ITGBL1: variants seen among roughly 807,000 people sequenced by gnomAD.
ITGBL1 encodes the protein integrin subunit beta like 1, also known as integrin beta-like protein 1.
In ITGBL1, 51 loss-of-function variants were observed where a neutral mutation model predicts 68.5. That is an observed-to-expected ratio of 0.74 (90% CI 0.59 to 0.94). ITGBL1 has a LOEUF of 0.94. Ranked by LOEUF, ITGBL1 falls within the 40% of genes least tolerant of loss-of-function variation. The pLI, the probability that ITGBL1 is intolerant of heterozygous loss-of-function variation, is 0.00. For synonymous variants in ITGBL1, 209 were observed against 227.3 expected, an observed-to-expected ratio of 0.92 and a Z score of 0.72; for missense variants, 649 against 647.4, an observed-to-expected ratio of 1.00 and a Z score of -0.03.
intron 2 of ITGBL1, among the ~76,000 whole-genome samples, chr13:101,558,583 C>T (rs1030379467): frequency 7.2e-5 from 11 of 152,176 alleles, no homozygotes; most frequent in African/African-American, 2.7e-4. Flanking sequence ...GTTCCCTTCT[C>T]AGGACACCTG....
intron 7 of ITGBL1, among the ~76,000 whole-genome samples, chr13:101,648,204 CAAAT>C (rs1422463518): frequency 6.6e-6 from 1 of 152,068 alleles, no homozygotes; most frequent in African/African-American, 2.4e-5. Flanking sequence ...ACAAACAAAA[CAAAT>C]AAGCAGACAA....
chr13:101,458,124 A>G (rs1262474182), intron 2 of ITGBL1, among the ~76,000 whole-genome samples: 1 of 152,234 alleles, frequency 6.6e-6, no homozygotes, highest in South Asian at 2.1e-4. Context: ...GCAGCTTACC[A>G]TTGAGTAGGG....
chr13:101,605,881 T>C (rs983061965), intron 7 of ITGBL1, among the ~76,000 whole-genome samples: 1 of 150,238 alleles, frequency 6.7e-6, no homozygotes, highest in Non-Finnish European at 1.5e-5. Context: ...TATACACATA[T>C]ATAGACATGT....
downstream of ITGBL1, chr13:101,718,617 A>AAAG (rs952772070): frequency 2.6e-5 from 4 of 151,880 alleles, no homozygotes; most frequent in Admixed American, 1.3e-4. Flanking sequence ...AAAGTCAACT[A>AAAG]AAGTGCTAAG....
chr13:101,690,715 G>A (rs2033865665), intron 7 of ITGBL1, among the ~76,000 whole-genome samples: 1 of 152,046 alleles, frequency 6.6e-6, no homozygotes, highest in Admixed American at 6.6e-5. Flanking sequence ...TAGAGAGCTG[G>A]CCTTGGGCAA....
Position 101,536,334 on chromosome 13 carries a change from A to T in ITGBL1, c.317-31365A>T, listed in dbSNP as rs545195212. Among the ~76,000 whole-genome samples, 12 of 152,178 alleles carry T rather than the reference A, an allele frequency of 7.9e-5. No homozygotes were observed. The South Asian group carries it at 2.5e-3, about 31-fold the overall frequency. On this transcript the variant is annotated intron_variant, in intron 2 of 10. Transcript: ENST00000376180. ...TTCAGTTTCCAGAAGAGGAAATATA[A>T]AAAACAACAACTATTTTCACCAGAG...
At chr13:101,583,103 A>C in intron 5 of ITGBL1, 113 bp from the exon 6 acceptor site, 1 of 1,010,018 alleles carries the variant, frequency 9.9e-7, no homozygotes, top group Non-Finnish European at 1.5e-6. Context: ...TTGTCTGAAT[A>C]TATGTGTTTT....
intron 7 of ITGBL1, among the ~76,000 whole-genome samples, chr13:101,662,206 A>T (rs896618890): frequency 6.6e-6 from 1 of 152,180 alleles, no homozygotes; most frequent in Non-Finnish European, 1.5e-5. Context: ...AAGTCATTTC[A>T]TGGCAATTTC....
In ITGBL1 at chr13:101,606,395, C is replaced by T. The variant is rs1474566723; in HGVS notation, c.1015+8096C>T. ...TATATTTTCATGTAACTAGATGTAGCTCATATAGCCATTATAGGTATAAAG... is the reference window on the plus strand; with the variant it reads ...TATATTTTCATGTAACTAGATGTAGTTCATATAGCCATTATAGGTATAAAG... On this transcript the variant is annotated intron_variant, in intron 7 of 10. Transcript: ENST00000376180. Among the ~76,000 whole-genome samples, 6 of 151,346 alleles carry T rather than the reference C, an allele frequency of 4.0e-5. No homozygotes were observed. In the East Asian group the frequency reaches 5.8e-4, roughly 15 times the overall value.
At chr13:101,477,497 A>G (rs1395370608) in intron 2 of ITGBL1, among the ~76,000 whole-genome samples, 1 of 152,042 alleles carries the variant, frequency 6.6e-6, no homozygotes. Flanking sequence ...AGCCGAAATA[A>G]ATGAGATCAA....
chr13:101,669,667 G>T (rs1407543735), intron 7 of ITGBL1, among the ~76,000 whole-genome samples: 1 of 152,062 alleles, frequency 6.6e-6, no homozygotes, highest in Non-Finnish European at 1.5e-5. Flanking sequence ...ATTTTTAATT[G>T]TAAAACTTGT....
intron 4 of ITGBL1, 133 bp from the exon 5 acceptor site, chr13:101,579,154 A>G: frequency 1.1e-6 from 1 of 921,106 alleles, no homozygotes; most frequent in Non-Finnish European, 1.7e-6. Flanking sequence ...GTATAATTTG[A>G]TTATTTTAGG....
At chr13:101,609,123 T>C (rs1302071934) in intron 7 of ITGBL1, among the ~76,000 whole-genome samples, 2 of 152,096 alleles carry the variant, frequency 1.3e-5, no homozygotes, top group African/African-American at 2.4e-5. Context: ...TATGTAGAAA[T>C]AGAAGAGCCT....
chr13:101,456,994 G>T (rs570758002), intron 2 of ITGBL1, among the ~76,000 whole-genome samples: 1 of 152,126 alleles, frequency 6.6e-6, no homozygotes, highest in Admixed American at 6.5e-5. Flanking sequence ...GTATGAACTT[G>T]GGCAGTTACT....
At chr13:101,494,121 T>C (rs2048820783) in intron 2 of ITGBL1, among the ~76,000 whole-genome samples, 1 of 152,204 alleles carries the variant, frequency 6.6e-6, no homozygotes, top group African/African-American at 2.4e-5. Context: ...TATCAAATAA[T>C]AATGCCTGGT....
chr13:101,548,218 A>G (rs2139205395), intron 2 of ITGBL1, among the ~76,000 whole-genome samples: 1 of 151,954 alleles, frequency 6.6e-6, no homozygotes, highest in Admixed American at 6.5e-5. Flanking sequence ...ACAATACAAA[A>G]CACTATACCA....
intron 7 of ITGBL1, among the ~76,000 whole-genome samples, chr13:101,601,826 T>G (rs2030400493): frequency 6.6e-6 from 1 of 152,194 alleles, no homozygotes; most frequent in Admixed American, 6.5e-5. Flanking sequence ...TCTGTTCTTT[T>G]ACATTTGCTG....
intron 6 of ITGBL1, among the ~76,000 whole-genome samples, chr13:101,594,693 GT>G (rs776223650): frequency 6.6e-6 from 1 of 152,138 alleles, no homozygotes; most frequent in Non-Finnish European, 1.5e-5. Context: ...CCAATAAGGG[GT>G]TAATATTCAA....
At chr13:101,608,849 A>C (rs2030994738) in intron 7 of ITGBL1, among the ~76,000 whole-genome samples, 1 of 152,064 alleles carries the variant, frequency 6.6e-6, no homozygotes, top group African/African-American at 2.4e-5. Context: ...CTGCAAAATT[A>C]ACTTATTTAC....
Sources: allele counts gnomAD v4.1 joint callset (sites outside exome capture counted in the v4.1 genomes callset), GRCh38; gene constraint gnomAD v4.1.1; transcripts MANE v1.5; gene names NCBI Gene and HGNC (gene_info 2026-07-23, HGNC 2026-07-21).